LAMB1: variants seen among roughly 807,000 people sequenced by gnomAD.
LAMB1 encodes laminin subunit beta-1.
In LAMB1, 121 loss-of-function variants were observed where a neutral mutation model predicts 222.3. That is an observed-to-expected ratio of 0.54 (90% CI 0.47 to 0.63). The LOEUF (loss-of-function observed/expected upper bound fraction) is 0.63, where lower values mean the gene tolerates loss of function less well. Ranked by LOEUF, LAMB1 falls within the 30% of genes least tolerant of loss-of-function variation. The pLI is 0.00. For synonymous variants in LAMB1, 794 were observed against 807.2 expected, an observed-to-expected ratio of 0.98 and a Z score of 0.28; for missense variants, 2,172 against 2,240.8, an observed-to-expected ratio of 0.97 and a Z score of 0.62.
chr7:107,962,064 T>A (rs2033516530), intron 15 of LAMB1, among the ~76,000 whole-genome samples: 1 of 152,226 alleles, frequency 6.6e-6, no homozygotes, highest in African/African-American at 2.4e-5. Context: ...GGAATGATTC[T>A]CAATAAAAAC....
At chr7:107,943,812 T>C (rs2033051161) in intron 24 of LAMB1, among the ~76,000 whole-genome samples, 1 of 152,134 alleles carries the variant, frequency 6.6e-6, no homozygotes, top group Non-Finnish European at 1.5e-5. Flanking sequence ...AAAGAGAGCA[T>C]GTGCGTGTGT....
At chr7:107,963,967 A>G (rs1364917316) in intron 14 of LAMB1, among the ~76,000 whole-genome samples, 1 of 152,226 alleles carries the variant, frequency 6.6e-6, no homozygotes, top group South Asian at 2.1e-4. Context: ...GCGTGGTGGC[A>G]CATGCCTATA....
intron 15 of LAMB1, among the ~76,000 whole-genome samples, chr7:107,962,102 C>T (rs2033517479): frequency 6.6e-6 from 1 of 152,228 alleles, no homozygotes; most frequent in African/African-American, 2.4e-5. Context: ...CTTCCACTCA[C>T]ACTATTTCTT....
In LAMB1 at chr7:107,960,519, AC is replaced by A; in HGVS notation, c.2239del (p.Val747Ter). The A allele has an allele frequency of 6.2e-7, 1 of 1,614,238 alleles. No individual in the cohort carries two copies. The highest frequency in any genetic ancestry group is 8.5e-7 in the Non-Finnish European group (1 of 1,180,030). ...YRCLENSRSV[V>X]KTPMTDVCRN... Reference sequence around the variant, plus strand: ...GCAAACATCTGTCATCGGTGTTTTCACAACGCTTCTGCTGTTCTCTAGACAT... The same window carrying A: ...GCAAACATCTGTCATCGGTGTTTTCAAACGCTTCTGCTGTTCTCTAGACAT... On this transcript the variant is annotated frameshift_variant, in exon 18 of 34. Transcript: ENST00000222399. LOFTEE classifies it high-confidence loss of function.
intron 3 of LAMB1, 44 bp downstream of exon 3, chr7:108,001,514 G>A (rs755252873): frequency 3.3e-6 from 5 of 1,532,604 alleles, no homozygotes; most frequent in Middle Eastern, 1.7e-4. Flanking sequence ...GTCTGGACGG[G>A]AGGAGGCGCT....
intron 26 of LAMB1, among the ~76,000 whole-genome samples, 186 bp downstream of exon 26, chr7:107,936,907 T>G (rs1485119260): frequency 6.6e-6 from 1 of 152,158 alleles, no homozygotes; most frequent in African/African-American, 2.4e-5. Flanking sequence ...TCTCTTAGGT[T>G]CTCTGTGCCC....
chr7:107,951,007 G>T, intron 24 of LAMB1: 1 of 490,194 alleles, frequency 2.0e-6, no homozygotes, highest in Non-Finnish European at 3.7e-6. Flanking sequence ...GAGGCCGGGA[G>T]AGTATGCACA....
intron 24 of LAMB1, among the ~76,000 whole-genome samples, chr7:107,948,532 G>A (rs1179156016): frequency 1.3e-5 from 2 of 152,162 alleles, no homozygotes; most frequent in Non-Finnish European, 2.9e-5. Flanking sequence ...TGCTTCCAGA[G>A]GGCTTGAAAA....
chr7:107,929,275 T>G (rs1192805094), intron 30 of LAMB1, 70 bp from the exon 31 acceptor site: 2 of 1,567,908 alleles, frequency 1.3e-6, no homozygotes, highest in African/African-American at 1.4e-5. Context: ...GTTCTTTTCT[T>G]TAAAGAATAG....
At chr7:107,987,137 C>G (rs1281435375) in intron 5 of LAMB1, among the ~76,000 whole-genome samples, 1 of 152,140 alleles carries the variant, frequency 6.6e-6, no homozygotes, top group Non-Finnish European at 1.5e-5. Context: ...GAATGAAATG[C>G]CAATACATGC....
At chr7:107,955,681 C>G in intron 20 of LAMB1, 51 bp from the exon 21 acceptor site, 2 of 1,522,856 alleles carry the variant, frequency 1.3e-6, no homozygotes, top group Non-Finnish European at 1.8e-6. Flanking sequence ...TTCTAAGAAA[C>G]CTGTTCCAAG....
At chr7:107,965,999 G>A (rs2033627897) in intron 13 of LAMB1, among the ~76,000 whole-genome samples, 1 of 151,772 alleles carries the variant, frequency 6.6e-6, no homozygotes, top group Admixed American at 6.6e-5. Flanking sequence ...TCGGGAGGCT[G>A]AGACAGGAGA....
chr7:107,946,143 C>T (rs1435246340), intron 24 of LAMB1, among the ~76,000 whole-genome samples: 11 of 152,270 alleles, frequency 7.2e-5, no homozygotes, highest in African/African-American at 1.7e-4. Context: ...TTTCTTCTGC[C>T]GTGGACCTTG....
intron 31 of LAMB1, among the ~76,000 whole-genome samples, chr7:107,927,924 A>G (rs917379642): frequency 5.3e-5 from 8 of 152,222 alleles, no homozygotes; most frequent in Non-Finnish European, 1.5e-5. Flanking sequence ...CAGGTTTTAA[A>G]CACATGGAGG....
At chr7:107,978,267 A>G (rs1411671681) in intron 8 of LAMB1, 100 bp from the exon 9 acceptor site, 4 of 1,309,250 alleles carry the variant, frequency 3.1e-6, no homozygotes, top group Non-Finnish European at 4.3e-6. Context: ...TTTCATACTA[A>G]TCTCTAGCTC....
chr7:107,985,525 A>C (rs2034056919), intron 7 of LAMB1, among the ~76,000 whole-genome samples: 1 of 152,200 alleles, frequency 6.6e-6, no homozygotes, highest in Non-Finnish European at 1.5e-5. Context: ...GCTACTCGGG[A>C]GGCTGAGGCA....
In LAMB1 at chr7:107,960,606, A is replaced by C; in HGVS notation, c.2153T>G (p.Val718Gly). Residue 718 changes from valine (V) to glycine (G), a missense_variant, in exon 18 of 34, where the codon GTG becomes GGG. By Grantham distance (109) the Val-to-Gly change is moderately radical (BLOSUM62 -3). Coordinates refer to ENST00000222399, the MANE Select transcript of LAMB1 (RefSeq NM_002291.3). Reference protein sequence around the residue: ...PYCKSLDIFTVGGSGDGVVTN... With the variant: ...PYCKSLDIFTGGGSGDGVVTN... Reference sequence around the variant, plus strand: ...GACCACCCCATCTCCTGAACCTCCCACGGTGAAGATGTCCAGTGATTTACA... The same window carrying C: ...GACCACCCCATCTCCTGAACCTCCCCCGGTGAAGATGTCCAGTGATTTACA... The C allele has an allele frequency of 6.2e-7, 1 of 1,614,238 alleles. No individual in the cohort carries two copies. Among genetic ancestry groups the C allele is most frequent in the Non-Finnish European group, 8.5e-7 (1 of 1,180,036 alleles).
chr7:107,945,090 T>C (rs1486595550), intron 24 of LAMB1, among the ~76,000 whole-genome samples: 1 of 152,254 alleles, frequency 6.6e-6, no homozygotes, highest in Non-Finnish European at 1.5e-5. Context: ...GAATAGTATT[T>C]TTTAAATGAG....
intron 4 of LAMB1, 145 bp downstream of exon 4, chr7:107,998,212 T>C: frequency 1.4e-6 from 1 of 708,980 alleles, no homozygotes; most frequent in East Asian, 2.6e-5. Context: ...CCAAGAGAAG[T>C]TAGTGCTCCA....
Sources: allele counts gnomAD v4.1 joint callset (sites outside exome capture counted in the v4.1 genomes callset), GRCh38; gene constraint gnomAD v4.1.1; transcripts MANE v1.5; gene names NCBI Gene and HGNC (gene_info 2026-07-23, HGNC 2026-07-21).